Variants in CSMD2 observed in about 807,000 individuals in gnomAD.
The protein encoded by CSMD2 is CUB and sushi domain-containing protein 2.
CSMD2 carries 130 observed loss-of-function variants against 398.5 expected under a neutral mutation model. The observed-to-expected ratio is 0.33, with a 90% CI of 0.28 to 0.38. The LOEUF is 0.38. CSMD2 is among the 10% of genes least tolerant of loss of function. The pLI is 1.00. For synonymous variants in CSMD2, 1,828 were observed against 1,908.5 expected (o/e 0.96, Z 1.10); for missense variants, 3,829 against 4,764.9 (o/e 0.80, Z 5.78).
chr1:33,694,429 G>A (rs1485575081), intron 24 of CSMD2, among the ~76,000 whole-genome samples: 2 of 152,168 alleles, frequency 1.3e-5, no homozygotes, highest in African/African-American at 4.8e-5. Flanking sequence ...TATTGAGGGA[G>A]GAACCTGGTG....
chr1:34,030,916 G>A (rs1650329215), intron 3 of CSMD2, among the ~76,000 whole-genome samples: 1 of 152,136 alleles, frequency 6.6e-6, no homozygotes, highest in African/African-American at 2.4e-5. Flanking sequence ...TGTCCCCAAG[G>A]CCAACCTATT....
chr1:33,991,974 T>C (rs1051572499), intron 3 of CSMD2, among the ~76,000 whole-genome samples: 1 of 151,060 alleles, frequency 6.6e-6, no homozygotes, highest in Non-Finnish European at 1.5e-5. Flanking sequence ...GATAAGTATA[T>C]GAAAAGAGGC....
At chr1:33,900,787 A>C (rs1300584232) in intron 5 of CSMD2, among the ~76,000 whole-genome samples, 1 of 152,242 alleles carries the variant, frequency 6.6e-6, no homozygotes, top group Non-Finnish European at 1.5e-5. Flanking sequence ...TCTCAAAAAA[A>C]AAAAAAAGAG....
In CSMD2 at chr1:33,931,638, C is replaced by A. The variant is rs1409181118; in HGVS notation, c.712+4122G>T. Among the ~76,000 whole-genome samples, 6 of 152,256 alleles carry A rather than the reference C, an allele frequency of 3.9e-5. No homozygotes were observed. The East Asian group carries it at 5.8e-4, about 15-fold the overall frequency. On this transcript the variant is annotated intron_variant, in intron 4 of 70. Coordinates refer to ENST00000373381, the MANE Select transcript of CSMD2 (RefSeq NM_001281956.2). ...GGATTTGACATCCTCAGCTGGCTTCCCTAGGGCGTTTGGAAGGGAGCATTC... is the reference window on the plus strand; with the variant it reads ...GGATTTGACATCCTCAGCTGGCTTCACTAGGGCGTTTGGAAGGGAGCATTC...
intron 12 of CSMD2, among the ~76,000 whole-genome samples, chr1:33,775,680 C>T (rs920336254): frequency 6.6e-6 from 1 of 152,112 alleles, no homozygotes; most frequent in Non-Finnish European, 1.5e-5. Flanking sequence ...ACTAGTGGGA[C>T]CTCCAAGTGG....
At chr1:33,995,429 T>C (rs1646695559) in intron 3 of CSMD2, among the ~76,000 whole-genome samples, 2 of 152,220 alleles carry the variant, frequency 1.3e-5, no homozygotes, top group Non-Finnish European at 2.9e-5. Context: ...GGCTAAGCTC[T>C]GGGACATCGG....
At chr1:33,841,122 T>C (rs1660806061) in intron 6 of CSMD2, among the ~76,000 whole-genome samples, 2 of 152,218 alleles carry the variant, frequency 1.3e-5, no homozygotes, top group African/African-American at 2.4e-5. Flanking sequence ...CACTGTGGAA[T>C]ATCTTCCATC....
chr1:33,977,052 C>G (rs771347128), intron 3 of CSMD2, among the ~76,000 whole-genome samples: 5 of 151,744 alleles, frequency 3.3e-5, no homozygotes, highest in Non-Finnish European at 5.9e-5. Context: ...GGGACAAAAG[C>G]AGGTAAGAAA....
chr1:33,560,255 C>T (rs1227334396), intron 53 of CSMD2, among the ~76,000 whole-genome samples: 3 of 152,192 alleles, frequency 2.0e-5, no homozygotes, highest in Non-Finnish European at 4.4e-5. Context: ...CTCCATCTGA[C>T]TGTCACATTA....
intron 51 of CSMD2, among the ~76,000 whole-genome samples, chr1:33,569,896 C>A (rs907658864): frequency 6.6e-6 from 1 of 152,174 alleles, no homozygotes; most frequent in South Asian, 2.1e-4. Context: ...CTCCTGAGTG[C>A]CCTGGGCAGA....
At chr1:33,735,754 A>T (rs1209960912) in intron 15 of CSMD2, among the ~76,000 whole-genome samples, 1 of 152,184 alleles carries the variant, frequency 6.6e-6, no homozygotes, top group Non-Finnish European at 1.5e-5. Flanking sequence ...CTTAGCATAT[A>T]TTAAAAGATT....
intron 19 of CSMD2, among the ~76,000 whole-genome samples, chr1:33,719,127 A>C (rs996214489): frequency 1.3e-5 from 2 of 152,198 alleles, no homozygotes; most frequent in African/African-American, 4.8e-5. Flanking sequence ...CGGGGGTCAA[A>C]ATCCTTGATG....
intron 5 of CSMD2, among the ~76,000 whole-genome samples, chr1:33,867,055 T>C (rs1640092629): frequency 6.6e-6 from 1 of 152,276 alleles, no homozygotes; most frequent in East Asian, 1.9e-4. Context: ...AAGTGTGGGC[T>C]GGACAGGTGA....
intron 2 of CSMD2, among the ~76,000 whole-genome samples, chr1:34,075,766 G>C (rs1160042226): frequency 6.6e-6 from 1 of 152,218 alleles, no homozygotes; most frequent in Non-Finnish European, 1.5e-5. Flanking sequence ...CAATGCAATA[G>C]GATGTCTGCC....
At chr1:33,892,568 G>A (rs1185699487) in intron 5 of CSMD2, among the ~76,000 whole-genome samples, 1 of 152,042 alleles carries the variant, frequency 6.6e-6, no homozygotes, top group Admixed American at 6.5e-5. Flanking sequence ...GAGAACATAC[G>A]GCATTTGGTT....
chr1:33,722,336 A>G (rs937318694), intron 19 of CSMD2, among the ~76,000 whole-genome samples: 1 of 152,160 alleles, frequency 6.6e-6, no homozygotes. Flanking sequence ...CCCTTACAAT[A>G]TATTTTCGAG....
intron 5 of CSMD2, among the ~76,000 whole-genome samples, chr1:33,856,999 G>A (rs546818315): frequency 8.5e-5 from 13 of 152,104 alleles, no homozygotes; most frequent in Admixed American, 1.3e-4. Context: ...AGGTAGACTC[G>A]TAGGCAAAGG....
chr1:33,865,169 A>G (rs1639929232), intron 5 of CSMD2, among the ~76,000 whole-genome samples: 1 of 151,530 alleles, frequency 6.6e-6, no homozygotes, highest in Admixed American at 6.6e-5. Flanking sequence ...AGGTTCAGGA[A>G]CATGACGTCT....
At chr1:33,951,663 C>A (rs1645012386) in intron 3 of CSMD2, among the ~76,000 whole-genome samples, 1 of 152,220 alleles carries the variant, frequency 6.6e-6, no homozygotes, top group Admixed American at 6.5e-5. Context: ...ATAAAACAAA[C>A]CCAGGCACCA....
Sources: allele counts gnomAD v4.1 joint callset (sites outside exome capture counted in the v4.1 genomes callset), GRCh38; gene constraint gnomAD v4.1.1; transcripts MANE v1.5; gene names NCBI Gene and HGNC (gene_info 2026-07-23, HGNC 2026-07-21).